Variants in MEIOSIN observed in about 807,000 individuals in gnomAD.
MEIOSIN encodes the protein meiosis initiator protein.
Under a neutral mutation model 23.4 loss-of-function variants are expected in MEIOSIN, and 18 were observed. That is an observed-to-expected ratio of 0.77 (90% CI 0.53 to 1.14). The LOEUF is 1.14. MEIOSIN is among the 50% of genes most tolerant of loss of function. MEIOSIN has a pLI of 0.00. For synonymous variants in MEIOSIN, 187 were observed against 100.6 expected (o/e 1.86, Z -5.14); for missense variants, 428 against 242.9 (o/e 1.76, Z -5.07).
At chr19:45,736,425 C>A (rs556426955) in intron 2 of MEIOSIN, among the ~76,000 whole-genome samples, 1 of 151,844 alleles carries the variant, frequency 6.6e-6, no homozygotes, top group Admixed American at 6.6e-5. Context: ...TGCAGTGGCG[C>A]GATCTTGGTT....
chr19:45,761,401 C>A (rs915338527), intron 11 of MEIOSIN, among the ~76,000 whole-genome samples: 8 of 147,418 alleles, frequency 5.4e-5, no homozygotes, highest in Non-Finnish European at 1.0e-4. Flanking sequence ...AGATTACAGG[C>A]ATGAGCCACT....
Position 45,763,966 on chromosome 19 carries a change from C to T in MEIOSIN, c.1770-5C>T. On this transcript the variant is annotated splice_polypyrimidine_tract_variant and splice_region_variant and intron_variant, in intron 14 of 14. Transcript: ENST00000457052. ...AGCCAGGCCATCCTGCCACCGTCTC[C>T]CCAGCACCAAGGCTCGCAGGTTCAG... 2.5e-6 allele frequency: 1 copy of T among 398,782 alleles called. No homozygotes were observed. Among genetic ancestry groups the T allele is most frequent in the Non-Finnish European group, 4.4e-6 (1 of 226,198 alleles). The allele number at this position is 398,782 out of a possible 1,614,324, so 24.7% of individuals were successfully genotyped here. A position where few individuals can be genotyped will look rare whatever the true frequency, so the allele number is the denominator to read the frequency against.
chr19:45,741,912 G>A (rs1356719599), intron 3 of MEIOSIN, among the ~76,000 whole-genome samples: 1 of 151,658 alleles, frequency 6.6e-6, no homozygotes, highest in Non-Finnish European at 1.5e-5. Flanking sequence ...TGCTCTTGTT[G>A]CCCAGGCTGG....
At chr19:45,757,428 C>T (rs566530636) in intron 9 of MEIOSIN, among the ~76,000 whole-genome samples, 151 bp downstream of exon 9, 3 of 152,318 alleles carry the variant, frequency 2.0e-5, no homozygotes, top group Admixed American at 2.0e-4. Flanking sequence ...CCTGCCAGCT[C>T]TCCGCCACCG....
chr19:45,739,920 T>A (rs924122075), intron 3 of MEIOSIN, among the ~76,000 whole-genome samples, 190 bp downstream of exon 3: 12 of 152,162 alleles, frequency 7.9e-5, no homozygotes, highest in Non-Finnish European at 1.8e-4. Flanking sequence ...CAATCTCGGC[T>A]CACTGTAACC....
chr19:45,760,934 A>T (rs1968925897), intron 11 of MEIOSIN, among the ~76,000 whole-genome samples: 1 of 135,922 alleles, frequency 7.4e-6, no homozygotes, highest in Non-Finnish European at 1.7e-5. Flanking sequence ...CAAAAAAAAA[A>T]AAAAGAAAGA....
intron 8 of MEIOSIN, among the ~76,000 whole-genome samples, chr19:45,756,774 G>A (rs552993932): frequency 1.4e-4 from 21 of 152,138 alleles, no homozygotes; most frequent in Admixed American, 8.5e-4. Flanking sequence ...AACTCACCTC[G>A]TCAGCCCTCT....
intron 3 of MEIOSIN, 73 bp from the exon 4 acceptor site, chr19:45,745,119 C>G: frequency 1.4e-6 from 1 of 697,278 alleles, no homozygotes; most frequent in East Asian, 2.7e-5. Context: ...GTAACACAGA[C>G]AGGAGGTTTG....
At chr19:45,742,939 C>T (rs1968531659) in intron 3 of MEIOSIN, among the ~76,000 whole-genome samples, 1 of 152,150 alleles carries the variant, frequency 6.6e-6, no homozygotes, top group African/African-American at 2.4e-5. Flanking sequence ...TCCCTGAAAA[C>T]CCAGAGGGCA....
At chr19:45,758,015 G>C (rs75528083) in intron 9 of MEIOSIN, among the ~76,000 whole-genome samples, 1 of 118,834 alleles carries the variant, frequency 8.4e-6, no homozygotes, top group Non-Finnish European at 1.8e-5. Flanking sequence ...TTTTTTTTTT[G>C]AGACGGAGTT....
chr19:45,759,057 T>C, intron 10 of MEIOSIN, 24 bp downstream of exon 10: 2 of 702,964 alleles, frequency 2.8e-6, no homozygotes, highest in Non-Finnish European at 5.2e-6. Context: ...CTGGCCCTGA[T>C]GCTTAGTTCA....
chr19:45,735,689 T>G (rs1221929634), intron 2 of MEIOSIN, among the ~76,000 whole-genome samples: 1 of 152,092 alleles, frequency 6.6e-6, no homozygotes, highest in Non-Finnish European at 1.5e-5. Flanking sequence ...TATTTATTTA[T>G]TTTTGAGACA....
chr19:45,759,410 C>T lies in MEIOSIN; in HGVS notation c.1169-4C>T, dbSNP rs1209086730. ...CTGGCTGCCCCTCTGGTCTCCCTCC[C>T]TAGCGGCTTTCTTTGAAGAAGTGTG... On this transcript the variant is annotated splice_region_variant and splice_polypyrimidine_tract_variant and intron_variant, in intron 10 of 14. Transcript: ENST00000457052. The T allele has an allele frequency of 2.8e-6, 2 of 703,240 alleles. No homozygotes were observed. Among genetic ancestry groups the T allele is most frequent in the Admixed American group, 2.0e-5 (1 of 49,996 alleles). The allele number at this position is 703,240 out of a possible 1,614,324, so 43.6% of individuals were successfully genotyped here. A position where few individuals can be genotyped will look rare whatever the true frequency, so the allele number is the denominator to read the frequency against.
chr19:45,761,694 G>C lies in MEIOSIN; in HGVS notation c.1261G>C (p.Ala421Pro), dbSNP rs781537560. The C allele has an allele frequency of 1.4e-6, 1 of 702,518 alleles. No homozygotes were observed. Among genetic ancestry groups the C allele is most frequent in the South Asian group, 1.5e-5 (1 of 67,566 alleles). 43.5% of individuals were successfully genotyped at this position (702,518 alleles called of 1,614,324 possible). A position where few individuals can be genotyped will look rare whatever the true frequency, so the allele number is the denominator to read the frequency against. The change falls in exon 12 of 15, where the codon GCC (alanine) becomes CCC (proline). Residue 421 changes from alanine (A) to proline (P), a missense_variant. By Grantham distance (27) the Ala-to-Pro change is conservative (BLOSUM62 -1). Transcript: ENST00000457052. ...APQEKDTASKAPKDPPESHSL... is the reference protein window; with the variant it reads ...APQEKDTASKPPKDPPESHSL... ...CATGCCCCAGGACACAGCCTCCAAGGCCCCCAAAGACCCTCCTGAGTCCCA... is the reference window on the plus strand; with the variant it reads ...CATGCCCCAGGACACAGCCTCCAAGCCCCCCAAAGACCCTCCTGAGTCCCA...
chr19:45,756,405 G>C (rs765308701), intron 8 of MEIOSIN, among the ~76,000 whole-genome samples: 9 of 151,998 alleles, frequency 5.9e-5, no homozygotes, highest in Non-Finnish European at 1.2e-4. Context: ...CTGCAGCATA[G>C]AGTCCAATAT....
intron 3 of MEIOSIN, among the ~76,000 whole-genome samples, chr19:45,740,550 A>G (rs958545573): frequency 6.6e-6 from 1 of 152,060 alleles, no homozygotes; most frequent in African/African-American, 2.4e-5. Flanking sequence ...GGAGATTGAG[A>G]CCATCCTGGC....
intron 11 of MEIOSIN, among the ~76,000 whole-genome samples, 155 bp from the exon 12 acceptor site, chr19:45,761,524 C>T (rs550076214): frequency 2.3e-4 from 35 of 151,280 alleles, no homozygotes; most frequent in Non-Finnish European, 3.5e-4. Flanking sequence ...CCTGCCTCAG[C>T]CTCCCAGAGT....
rs80189771 is a variant in MEIOSIN at position 45,761,821 on chromosome 19, C to G, written c.1388C>G (p.Ser463Cys). Reference protein sequence around the residue: ...SSSSSSSSSSSSSEDSDSEPL... With the variant: ...SSSSSSSSSSCSSEDSDSEPL... ...TCCAGCTCCAGCTCCAGCTCCAGCT[C>G]CAGCTCGGAGGACAGCGACTCGGAG... Residue 463 changes from serine (S) to cysteine (C), a missense_variant, in exon 12 of 15, where the codon TCC (serine) becomes TGC (cysteine). Ser to Cys is a moderately radical substitution (Grantham distance 112, BLOSUM62 -1). Coordinates refer to ENST00000457052, the MANE Select transcript of MEIOSIN (RefSeq NM_001310124.2). 1.4e-6 allele frequency: 1 copy of G among 701,898 alleles called. No individual in the cohort carries two copies. 43.5% of individuals were successfully genotyped at this position (701,898 alleles called of 1,614,324 possible).
At chr19:45,760,976 A>G (rs1208645354) in intron 11 of MEIOSIN, among the ~76,000 whole-genome samples, 2 of 151,410 alleles carry the variant, frequency 1.3e-5, no homozygotes, top group African/African-American at 2.4e-5. Context: ...GGAAGAAAGA[A>G]AGAAAGACAG....
Sources: allele counts gnomAD v4.1 joint callset (sites outside exome capture counted in the v4.1 genomes callset), GRCh38; gene constraint gnomAD v4.1.1; transcripts MANE v1.5; gene names NCBI Gene and HGNC (gene_info 2026-07-23, HGNC 2026-07-21).